Variants in LMO7 observed in about 807,000 individuals in gnomAD.
The protein encoded by LMO7 is LIM domain 7.
LMO7 carries 120 observed loss-of-function variants against 206.5 expected under a neutral mutation model. The observed-to-expected ratio is 0.58, with a 90% CI of 0.50 to 0.68. The LOEUF is 0.68. LMO7 is among the 30% of genes least tolerant of loss of function. The pLI is 0.00. For synonymous variants in LMO7, 706 were observed against 681.5 expected, an observed-to-expected ratio of 1.04 and a Z score of -0.56; for missense variants, 1,959 against 1,957.9, an observed-to-expected ratio of 1.00 and a Z score of -0.01.
chr13:75,796,515 C>A, intron 5 of LMO7, 121 bp from the exon 6 acceptor site: 1 of 600,452 alleles, frequency 1.7e-6, no homozygotes, highest in Non-Finnish European at 3.0e-6. Context: ...AAAAGAAAGT[C>A]TACTTTTCAC....
intron 1 of LMO7, among the ~76,000 whole-genome samples, chr13:75,702,827 T>C (rs1432458590): frequency 6.6e-6 from 1 of 152,228 alleles, no homozygotes. Context: ...AATAAATGAA[T>C]GCTTTCTTTG....
At chr13:75,842,537 G>A (rs1294096306) in intron 24 of LMO7, among the ~76,000 whole-genome samples, 1 of 152,070 alleles carries the variant, frequency 6.6e-6, no homozygotes, top group Non-Finnish European at 1.5e-5. Flanking sequence ...CCTGCCTGCT[G>A]CAGTAAGATG....
chr13:75,711,399 G>A (rs891609682), intron 1 of LMO7, among the ~76,000 whole-genome samples: 4 of 152,164 alleles, frequency 2.6e-5, no homozygotes, highest in Admixed American at 2.6e-4. Flanking sequence ...TGTACCTCTG[G>A]TAGTATTTGG....
At chr13:75,800,364 T>A (rs2054573498) in intron 6 of LMO7, among the ~76,000 whole-genome samples, 1 of 152,214 alleles carries the variant, frequency 6.6e-6, no homozygotes, top group Non-Finnish European at 1.5e-5. Flanking sequence ...TCAATGTTAC[T>A]CTATGAACTT....
In LMO7 at chr13:75,819,451, AAG is replaced by A; in HGVS notation, c.2125_2126del (p.Glu709ArgfsTer6). The A allele has an allele frequency of 6.2e-7, 1 of 1,613,308 alleles. No individual in the cohort carries two copies. The highest frequency in any genetic ancestry group is 1.1e-5 in the South Asian group (1 of 90,960). ...TACACTTCAGATCTGCAGAAGAAAA[AAG>A]AAGAGAGAGAAGAAATTGAAAAGCA... On this transcript the variant is annotated frameshift_variant, in exon 13 of 31. Transcript: ENST00000377534. LOFTEE classifies it high-confidence loss of function.
chr13:75,791,451 T>C (rs2053272360), intron 4 of LMO7, among the ~76,000 whole-genome samples: 1 of 152,208 alleles, frequency 6.6e-6, no homozygotes, highest in South Asian at 2.1e-4. Context: ...GGCTTTTTAT[T>C]GCTAATTTAC....
chr13:75,788,174 G>A (rs2052718518), intron 4 of LMO7, among the ~76,000 whole-genome samples: 1 of 152,084 alleles, frequency 6.6e-6, no homozygotes, highest in South Asian at 2.1e-4. Context: ...AGTACATTTA[G>A]GGTTTCTTAT....
intron 18 of LMO7, 23 bp from the exon 19 acceptor site, chr13:75,836,374 A>C (rs368069914): frequency 1.2e-5 from 16 of 1,369,248 alleles, no homozygotes; most frequent in Non-Finnish European, 1.6e-5. Flanking sequence ...GAGAATATTA[A>C]CTAGCATTTT....
intron 3 of LMO7, among the ~76,000 whole-genome samples, chr13:75,741,882 G>T (rs929337883): frequency 1.3e-5 from 2 of 152,146 alleles, no homozygotes; most frequent in Non-Finnish European, 2.9e-5. Flanking sequence ...CCTGGCCAGA[G>T]CAATCAATCA....
rs746543596 is a variant in LMO7 at position 75,839,984 on chromosome 13, A to G, written c.3452-101A>G. On this transcript the variant is annotated intron_variant, in intron 20 of 30. Transcript: ENST00000377534. ...AAACATTGTCACTTAGTATACTGGC[A>G]TAGAGACAGCTAATGATAGAAGTTT... 4 of 1,105,156 alleles carry G rather than the reference A, an allele frequency of 3.6e-6. No individual in the cohort carries two copies. In the South Asian group the frequency reaches 5.2e-5, roughly 14 times the overall value. The allele number at this position is 1,105,156 out of a possible 1,614,324, so 68.5% of individuals were successfully genotyped here. A position where few individuals can be genotyped will look rare whatever the true frequency, so the allele number is the denominator to read the frequency against.
intron 1 of LMO7, among the ~76,000 whole-genome samples, chr13:75,692,271 T>A (rs1478445572): frequency 6.6e-6 from 1 of 152,212 alleles, no homozygotes; most frequent in Non-Finnish European, 1.5e-5. Flanking sequence ...TTCTGCAGAT[T>A]GGGTCACAAG....
rs369110722 is a variant in LMO7, at chr13:75,838,358, T to A, written c.3451+162T>A. 5.4e-5 allele frequency: 82 copies of A among 1,507,112 alleles called. No individual in the cohort carries two copies. In the East Asian group the frequency reaches 2.1e-3, roughly 38 times the overall value. 93.4% of individuals were successfully genotyped at this position (1,507,112 alleles called of 1,614,324 possible). A position where few individuals can be genotyped will look rare whatever the true frequency, so the allele number is the denominator to read the frequency against. ...CATTCTTTCCCTAGGGTCATCAGGC[T>A]TTTCTTACAGTTCATGGGTCTACCT... On this transcript the variant is annotated intron_variant, in intron 20 of 30. Transcript: ENST00000377534.
chr13:75,849,241 G>T lies in LMO7; in HGVS notation c.4313G>T (p.Arg1438Leu), dbSNP rs185108401. 6.2e-7 allele frequency: 1 copy of T among 1,614,114 alleles called. No individual in the cohort carries two copies. The highest frequency in any genetic ancestry group is 8.5e-7 in the Non-Finnish European group (1 of 1,179,984). ...LHNDNSWIRQ[R>L]SASVNKEPVS... ...AATGACAACAGCTGGATCCGACAGC[G>T]CAGTGCCAGTGTCAACAAAGAGCCT... The change falls in exon 27 of 31, where the codon CGC (arginine) becomes CTC (leucine). Residue 1438 changes from arginine to leucine, a missense_variant. By Grantham distance (102) the Arg-to-Leu change is moderately radical (BLOSUM62 -2). Coordinates refer to ENST00000377534, the MANE Select transcript of LMO7 (RefSeq NM_001306080.2).
intron 4 of LMO7, among the ~76,000 whole-genome samples, chr13:75,770,406 C>T (rs1013113153): frequency 2.0e-5 from 3 of 151,954 alleles, no homozygotes; most frequent in African/African-American, 7.3e-5. Context: ...AGTTGTGGAC[C>T]TTTTGTCTTG....
intron 4 of LMO7, among the ~76,000 whole-genome samples, chr13:75,782,500 TGTGTA>T (rs1389383466): frequency 6.6e-6 from 1 of 152,212 alleles, no homozygotes; most frequent in Non-Finnish European, 1.5e-5. Context: ...GCATATGAAA[TGTGTA>T]GGGCAATGCT....
intron 1 of LMO7, among the ~76,000 whole-genome samples, chr13:75,704,128 A>C (rs2042486741): frequency 6.6e-6 from 1 of 152,188 alleles, no homozygotes; most frequent in African/African-American, 2.4e-5. Flanking sequence ...AGCTTTAGAG[A>C]AGGCATCCAG....
intron 2 of LMO7, among the ~76,000 whole-genome samples, chr13:75,717,474 C>T (rs2138261258): frequency 6.6e-6 from 1 of 151,884 alleles, no homozygotes; most frequent in Non-Finnish European, 1.5e-5. Context: ...AAGATATTCA[C>T]CCCTATCGGT....
intron 3 of LMO7, among the ~76,000 whole-genome samples, chr13:75,734,762 A>G (rs78966401): frequency 0.027 from 4,081 of 152,300 alleles, 85 homozygotes; most frequent in Middle Eastern, 0.041. Context: ...CCTCCATTCT[A>G]TATCTATCAT....
chr13:75,782,324 A>G (rs2051624894), intron 4 of LMO7, among the ~76,000 whole-genome samples: 1 of 152,220 alleles, frequency 6.6e-6, no homozygotes, highest in African/African-American at 2.4e-5. Flanking sequence ...AATGATCCTC[A>G]TATGCTGTGA....
Sources: gnomAD v4.1 joint callset for allele counts (sites outside exome capture counted in the v4.1 genomes callset) on GRCh38, gnomAD v4.1.1 for gene constraint, MANE v1.5 for transcripts, NCBI Gene and HGNC (gene_info 2026-07-23, HGNC 2026-07-21) for gene names.